Variants in SLAIN1 observed in about 807,000 individuals in gnomAD.
SLAIN1 encodes SLAIN motif-containing protein 1.
A neutral mutation model predicts 55.4 loss-of-function variants in SLAIN1; 17 were observed. That is an observed-to-expected ratio of 0.31 (90% CI 0.21 to 0.46). The LOEUF is 0.46. Among genes scored for constraint, SLAIN1 ranks in the 20% least tolerant of loss-of-function variants. The probability of loss-of-function intolerance (pLI) is 1.00; values close to 1 mark genes in which losing one functional copy is unlikely to be tolerated. For synonymous variants in SLAIN1, 348 were observed against 337.4 expected (o/e 1.03, Z -0.35); for missense variants, 682 against 785.1 (o/e 0.87, Z 1.57).
intron 2 of SLAIN1, among the ~76,000 whole-genome samples, chr13:77,721,752 A>G (rs1359689210): frequency 1.3e-5 from 2 of 151,668 alleles, no homozygotes; most frequent in East Asian, 3.9e-4. Context: ...ACAAGCCCTG[A>G]CATTTGAATT....
chr13:77,710,389 C>T (rs552997514), intron 1 of SLAIN1, among the ~76,000 whole-genome samples: 25 of 151,956 alleles, frequency 1.6e-4, no homozygotes, highest in Admixed American at 1.6e-3. Context: ...GGAATATTTA[C>T]CAAGCAAATG....
Position 77,746,889 on chromosome 13 carries a change from T to C in SLAIN1, c.1258+34T>C, listed in dbSNP as rs770131758. The C allele has an allele frequency of 3.3e-6, 5 of 1,506,754 alleles. No homozygotes were observed. The South Asian group carries it at 4.9e-5, about 15-fold the overall frequency. 93.3% of individuals were successfully genotyped at this position (1,506,754 alleles called of 1,614,324 possible). On this transcript the variant is annotated intron_variant, in intron 4 of 6. Transcript: ENST00000418532. ...TATGCTTTTTTGGTATTTGATATGC[T>C]TTAATTTTTTTATATGTGGTCAAGA...
At chr13:77,761,219 C>T in intron 6 of SLAIN1, 109 bp downstream of exon 6, 2 of 1,051,704 alleles carry the variant, frequency 1.9e-6, no homozygotes, top group Non-Finnish European at 2.8e-6. Flanking sequence ...AGACACTACC[C>T]TTTATGGCCT....
chr13:77,716,349 T>C (rs1293487780), intron 1 of SLAIN1, among the ~76,000 whole-genome samples: 1 of 151,886 alleles, frequency 6.6e-6, no homozygotes, highest in East Asian at 1.9e-4. Context: ...TTTTTAACAT[T>C]TGTTTGGCTA....
intron 2 of SLAIN1, among the ~76,000 whole-genome samples, chr13:77,732,136 C>T (rs1872903572): frequency 1.3e-5 from 2 of 152,028 alleles, no homozygotes; most frequent in South Asian, 4.1e-4. Context: ...CTGGGATAAG[C>T]CATAACTCAA....
chr13:77,761,551 T>C (rs1875023562), intron 6 of SLAIN1, among the ~76,000 whole-genome samples: 2 of 152,306 alleles, frequency 1.3e-5, no homozygotes, highest in African/African-American at 4.8e-5. Flanking sequence ...CCAATACAGG[T>C]AGGATCTCAA....
chr13:77,742,956 T>C, intron 2 of SLAIN1: 2 of 1,053,178 alleles, frequency 1.9e-6, no homozygotes, highest in Non-Finnish European at 2.4e-6. Context: ...TTTCTCCTTC[T>C]GACAAGTCAA....
chr13:77,752,461 G>C (rs954512772), intron 4 of SLAIN1, among the ~76,000 whole-genome samples: 2 of 151,890 alleles, frequency 1.3e-5, no homozygotes, highest in South Asian at 2.1e-4. Flanking sequence ...TAGAAGTTTC[G>C]TTCTCCTTTA....
rs1466122491 is a variant in SLAIN1, at chr13:77,698,795, A to G, written c.626+256A>G. ...CGGCCCCCCCTTCCCCCCATCTGCCATGGGTTCTGCTATTTGCTGATTGTT... is the reference window on the plus strand; with the variant it reads ...CGGCCCCCCCTTCCCCCCATCTGCCGTGGGTTCTGCTATTTGCTGATTGTT... On this transcript the variant is annotated intron_variant, in intron 1 of 6. Coordinates refer to ENST00000418532, the MANE Select transcript of SLAIN1 (RefSeq NM_001242868.2). This position sits in a 1 kb window ranked among gnomAD's most constrained non-coding sequence, Gnocchi z 4.1. The G allele has an allele frequency of 4.5e-6, 6 of 1,332,040 alleles. No individual in the cohort carries two copies. Among genetic ancestry groups the G allele is most frequent in the African/African-American group, 2.9e-5 (2 of 68,064 alleles). The allele number at this position is 1,332,040 out of a possible 1,614,324, so 82.5% of individuals were successfully genotyped here.
chr13:77,726,905 T>C (rs928344773), intron 2 of SLAIN1, among the ~76,000 whole-genome samples: 1 of 152,234 alleles, frequency 6.6e-6, no homozygotes, highest in African/African-American at 2.4e-5. Context: ...GAAATAGATA[T>C]TTGTAAATTA....
chr13:77,708,728 AG>A (rs1366220045), intron 1 of SLAIN1, among the ~76,000 whole-genome samples: 1 of 152,208 alleles, frequency 6.6e-6, no homozygotes, highest in African/African-American at 2.4e-5. Context: ...ATCAATAAAA[AG>A]GACGTCCACA....
At chr13:77,719,760 T>C (rs534751465) in intron 2 of SLAIN1, 89 bp downstream of exon 2, 2 of 1,461,086 alleles carry the variant, frequency 1.4e-6, no homozygotes, top group African/African-American at 2.8e-5. Flanking sequence ...ACATTTCAAT[T>C]GAAAATTCTT....
intron 2 of SLAIN1, among the ~76,000 whole-genome samples, chr13:77,738,722 A>G (rs1397698337): frequency 6.6e-6 from 1 of 152,036 alleles, no homozygotes; most frequent in Non-Finnish European, 1.5e-5. Flanking sequence ...GCCTGATGAG[A>G]AATGTGGCTC....
chr13:77,715,068 A>G (rs994697613), intron 1 of SLAIN1, among the ~76,000 whole-genome samples: 3 of 152,086 alleles, frequency 2.0e-5, no homozygotes, highest in Non-Finnish European at 2.9e-5. Flanking sequence ...GGGTTTCACC[A>G]TGTTGGCCAG....
chr13:77,739,844 T>C (rs1251253651), intron 2 of SLAIN1, among the ~76,000 whole-genome samples: 1 of 152,108 alleles, frequency 6.6e-6, no homozygotes, highest in African/African-American at 2.4e-5. Flanking sequence ...CTTTGCTTAA[T>C]GGTATACAAA....
rs758461891 is a variant in SLAIN1 at position 77,719,541 on chromosome 13, T to C, written c.636T>C (p.Ile212=). Reference sequence around the variant, plus strand: ...GATTTCTTTTTTTAAGGTTATACATTGGCTCTTCAAAGACGTTCACCTCAT... The same window carrying C: ...GATTTCTTTTTTTAAGGTTATACATCGGCTCTTCAAAGACGTTCACCTCAT... ...RDEDDYTWLY[I]GSSKTFTSSE... Residue 212 remains isoleucine (I), a synonymous_variant, in exon 2 of 7, where the codon ATT becomes ATC. Coordinates refer to ENST00000418532, the MANE Select transcript of SLAIN1 (RefSeq NM_001242868.2). 3.1e-6 allele frequency: 5 copies of C among 1,612,472 alleles called. No individual in the cohort carries two copies. The highest frequency in any genetic ancestry group is 1.7e-5 in the Admixed American group (1 of 59,880).
At chr13:77,759,237 G>A (rs1199768798) in intron 5 of SLAIN1, among the ~76,000 whole-genome samples, 1 of 152,060 alleles carries the variant, frequency 6.6e-6, no homozygotes, top group Non-Finnish European at 1.5e-5. Flanking sequence ...CAGCTTGGTT[G>A]TTGTTGGTAT....
In SLAIN1 at chr13:77,698,441, T is replaced by C. The variant is rs1360545040; in HGVS notation, c.528T>C (p.Ala176=). Residue 176 remains alanine (A), a synonymous_variant, in exon 1 of 7, where the codon GCT becomes GCC. Coordinates refer to ENST00000418532, the MANE Select transcript of SLAIN1 (RefSeq NM_001242868.2). This position sits in a 1 kb window ranked among gnomAD's most constrained non-coding sequence, Gnocchi z 4.1. ...GCGCGGGGACGCCGCCAGGGGCAGC[T>C]GCAGCGCCGCCCTCGCCGCCCCCCA... The part of the protein sequence containing the change: ...PGGAGTPPGA[A]AAPPSPPPTL... 7 of 1,432,516 alleles carry C rather than the reference T, an allele frequency of 4.9e-6. No homozygotes were observed. Among genetic ancestry groups the C allele is most frequent in the East Asian group, 3.1e-5 (1 of 32,636 alleles). The allele number at this position is 1,432,516 out of a possible 1,614,324, so 88.7% of individuals were successfully genotyped here. A position where few individuals can be genotyped will look rare whatever the true frequency, so the allele number is the denominator to read the frequency against.
chr13:77,742,972 G>A (rs1377371797), intron 2 of SLAIN1: 2 of 1,141,024 alleles, frequency 1.8e-6, no homozygotes, highest in Non-Finnish European at 1.1e-6. Context: ...GTCAACATAT[G>A]CTTCCATATA....
Sources: gnomAD v4.1 joint callset for allele counts (sites outside exome capture counted in the v4.1 genomes callset) on GRCh38, gnomAD v4.1.1 for gene constraint, Gnocchi (gnomAD v3.1) non-coding constraint, MANE v1.5 for transcripts, NCBI Gene and HGNC (gene_info 2026-07-23, HGNC 2026-07-21) for gene names.